STAM2: variants seen among roughly 807,000 people sequenced by gnomAD.
STAM2 encodes the protein signal transducing adaptor molecule 2.
STAM2 carries 51 observed loss-of-function variants against 65.6 expected under a neutral mutation model. The observed-to-expected ratio is 0.78, with a 90% confidence interval of 0.62 to 0.98. The LOEUF (loss-of-function observed/expected upper bound fraction) is 0.98. STAM2 is among the 50% of genes least tolerant of loss of function. STAM2 has a pLI of 0.00. For missense variants in STAM2, 584 were observed against 617.8 expected, an observed-to-expected ratio of 0.95 and a Z score of 0.58; for synonymous variants, 198 against 208.4, an observed-to-expected ratio of 0.95 and a Z score of 0.43.
At chr2:152,160,005 G>A (rs533317923) in intron 1 of STAM2, among the ~76,000 whole-genome samples, 1 of 152,378 alleles carries the variant, frequency 6.6e-6, no homozygotes, top group South Asian at 2.1e-4. Context: ...TGCCAGGATT[G>A]CAGACGGAGG....
chr2:152,132,841 C>G (rs983875294), intron 10 of STAM2, among the ~76,000 whole-genome samples: 1 of 152,046 alleles, frequency 6.6e-6, no homozygotes, highest in African/African-American at 2.4e-5. Context: ...ATTCATAATA[C>G]AAGAACATTA....
intron 13 of STAM2, among the ~76,000 whole-genome samples, chr2:152,122,435 TA>T (rs1012078053): frequency 6.5e-4 from 98 of 151,880 alleles, no homozygotes; most frequent in African/African-American, 2.3e-3. Context: ...AAAGTTTCAA[TA>T]AAAAAAATTA....
chr2:152,174,738 AG>A lies in STAM2; in HGVS notation c.40+864del, dbSNP rs370018798. ...AACCTGTAGTCCCAGCTACTCGGGAAGGGGAAACGGAGGTGGAGGCTGAGGT... is the reference window on the plus strand; with the variant it reads ...AACCTGTAGTCCCAGCTACTCGGGAAGGGAAACGGAGGTGGAGGCTGAGGT... On this transcript the variant is annotated intron_variant, in intron 1 of 13. Coordinates refer to ENST00000263904, the MANE Select transcript of STAM2 (RefSeq NM_005843.6). 5.3e-5 allele frequency among the ~76,000 whole-genome samples: 8 copies of A among 152,306 alleles called. No individual in the cohort carries two copies. In the East Asian group the frequency reaches 9.6e-4, roughly 18 times the overall value.
At chr2:152,148,427 C>T (rs1198582534) in intron 2 of STAM2, 127 bp from the exon 3 acceptor site, 92 of 745,164 alleles carry the variant, frequency 1.2e-4, no homozygotes, top group Non-Finnish European at 1.6e-4. Flanking sequence ...TCCAACACTT[C>T]GGGAAGCCAA....
At chr2:152,149,439 C>T (rs557722110) in intron 2 of STAM2, among the ~76,000 whole-genome samples, 149 of 151,610 alleles carry the variant, frequency 9.8e-4, no homozygotes, top group African/African-American at 3.4e-3. Flanking sequence ...CCCCACGCAG[C>T]CGAAAATCTG....
intron 7 of STAM2, among the ~76,000 whole-genome samples, chr2:152,142,036 C>T (rs1045805077): frequency 2.6e-5 from 4 of 152,164 alleles, no homozygotes; most frequent in Non-Finnish European, 4.4e-5. Flanking sequence ...TTCCTTTTAA[C>T]CGAAGACTGT....
At chr2:152,162,721 A>C (rs1689706487) in intron 1 of STAM2, among the ~76,000 whole-genome samples, 1 of 152,158 alleles carries the variant, frequency 6.6e-6, no homozygotes, top group Non-Finnish European at 1.5e-5. Flanking sequence ...GGCTCACTGC[A>C]ACCTACGCCT....
rs1688771357 is a variant in STAM2, at chr2:152,117,588, TACCTTCCGATAGAAATAAAGCATTATA to T, written c.*2959_*2985del. ...AAACTGATGATGAAAGAAGAAAAAG[TACCTTCCGATAGAAATAAAGCATTATA>T]GATCAGTGCTATTTATAATTTATTA... On this transcript the variant is annotated 3_prime_UTR_variant, in exon 14 of 14. Coordinates refer to ENST00000263904, the MANE Select transcript of STAM2 (RefSeq NM_005843.6). 2.0e-5 allele frequency: 3 copies of T among 152,172 alleles called. No individual in the cohort carries two copies. Among genetic ancestry groups the T allele is most frequent in the African/African-American group, 7.2e-5 (3 of 41,446 alleles). The allele number at this position is 152,172 out of a possible 1,614,324, so 9.4% of individuals were successfully genotyped here.
chr2:152,143,662 CGAGAA>C (rs1689289411), intron 7 of STAM2, among the ~76,000 whole-genome samples, 160 bp downstream of exon 7: 1 of 151,994 alleles, frequency 6.6e-6, no homozygotes, highest in African/African-American at 2.4e-5. Context: ...TCAAATATAA[CGAGAA>C]GAGGCTCACA....
chr2:152,124,166 G>A (rs988562033), intron 12 of STAM2: 11 of 477,260 alleles, frequency 2.3e-5, no homozygotes, highest in African/African-American at 3.9e-5. Context: ...AGAGAGCTGG[G>A]AGAAAGACAG....
intron 1 of STAM2, 138 bp downstream of exon 1, chr2:152,175,465 A>C (rs1044680756): frequency 8.8e-6 from 10 of 1,135,150 alleles, no homozygotes; most frequent in Non-Finnish European, 1.3e-5. Context: ...CCAACGTCGA[A>C]GGAGCGGGCG....
rs1049547725 is a variant in STAM2 at position 152,118,616 on chromosome 2, G to C, written c.*1958C>G. On this transcript the variant is annotated 3_prime_UTR_variant, in exon 14 of 14. Coordinates refer to ENST00000263904, the MANE Select transcript of STAM2 (RefSeq NM_005843.6). Reference sequence around the variant, plus strand: ...ATGAAATACACAAACATTAAAATAAGTTTATTAAATAGAGTTTGGGAGAAA... The same window carrying C: ...ATGAAATACACAAACATTAAAATAACTTTATTAAATAGAGTTTGGGAGAAA... 6.6e-6 allele frequency: 1 copy of C among 151,512 alleles called. No individual in the cohort carries two copies. The highest frequency in any genetic ancestry group is 1.5e-5 in the Non-Finnish European group (1 of 67,814). The allele number at this position is 151,512 out of a possible 1,614,324, so 9.4% of individuals were successfully genotyped here. A position where few individuals can be genotyped will look rare whatever the true frequency, so the allele number is the denominator to read the frequency against.
intron 1 of STAM2, among the ~76,000 whole-genome samples, chr2:152,166,308 G>C (rs919461901): frequency 1.3e-5 from 2 of 152,022 alleles, no homozygotes; most frequent in African/African-American, 4.8e-5. Context: ...GAAAAATCAA[G>C]GCAGGGGAAG....
At chr2:152,121,147 T>A (rs1007536509) in intron 13 of STAM2, among the ~76,000 whole-genome samples, 6 of 152,168 alleles carry the variant, frequency 3.9e-5, no homozygotes, top group Admixed American at 6.5e-5. Context: ...TAAAAAAAAA[T>A]TTTTGTTGTA....
In STAM2 at chr2:152,150,197, C is replaced by T; in HGVS notation, c.73G>A (p.Asp25Asn). 1 of 1,613,592 alleles carries T rather than the reference C, an allele frequency of 6.2e-7. No homozygotes were observed. The highest frequency in any genetic ancestry group is 1.7e-5 in the Admixed American group (1 of 60,010). The stretch of plus-strand genomic sequence containing the variant: ...CATATGTCCATAATAAGACTCCAAT[C>T]TTCTGTAGTGTTGTACTCATTCGTG... ...KATNEYNTTE[D>N]WSLIMDICDK... The change falls in exon 2 of 14, where the codon GAT (aspartate) becomes AAT (asparagine). Residue 25 changes from aspartate to asparagine, a missense_variant. Asp to Asn is a conservative substitution (Grantham distance 23, BLOSUM62 1). Coordinates refer to ENST00000263904, the MANE Select transcript of STAM2 (RefSeq NM_005843.6).
chr2:152,154,680 A>G (rs1205393639), intron 1 of STAM2, among the ~76,000 whole-genome samples: 1 of 152,172 alleles, frequency 6.6e-6, no homozygotes, highest in Non-Finnish European at 1.5e-5. Flanking sequence ...CCTTCTCACA[A>G]AGGAAACCAC....
chr2:152,157,646 C>A (rs1689578060), intron 1 of STAM2, among the ~76,000 whole-genome samples: 2 of 152,230 alleles, frequency 1.3e-5, no homozygotes, highest in South Asian at 4.1e-4. Context: ...AAATAAATTT[C>A]TGTTGCATAA....
intron 13 of STAM2, among the ~76,000 whole-genome samples, chr2:152,123,446 C>T (rs1688899065): frequency 6.6e-6 from 1 of 152,134 alleles, no homozygotes; most frequent in Non-Finnish European, 1.5e-5. Context: ...AAAGTAACAA[C>T]AGTTTTCTAA....
intron 6 of STAM2, among the ~76,000 whole-genome samples, chr2:152,144,387 T>C (rs1249750895): frequency 6.6e-6 from 1 of 152,134 alleles, no homozygotes; most frequent in East Asian, 1.9e-4. Flanking sequence ...ATCAAATACA[T>C]ATTACTGAAA....
Sources: allele counts gnomAD v4.1 joint callset (sites outside exome capture counted in the v4.1 genomes callset), GRCh38; gene constraint gnomAD v4.1.1; transcripts MANE v1.5; gene names NCBI Gene and HGNC (gene_info 2026-07-23, HGNC 2026-07-21).